VPS13C: variants seen among roughly 807,000 people sequenced by gnomAD.
VPS13C encodes the protein intermembrane lipid transfer protein VPS13C.
VPS13C carries 358 observed loss-of-function variants against 456.8 expected under a neutral mutation model. The ratio of observed to expected loss-of-function variants is 0.78; its 90% CI spans 0.72 to 0.86. The LOEUF (loss-of-function observed/expected upper bound fraction) is 0.86, where lower values mean the gene tolerates loss of function less well. VPS13C is among the 40% of genes least tolerant of loss of function. The pLI, the probability that VPS13C is intolerant of heterozygous loss-of-function variation, is 0.00. For missense variants in VPS13C, 4,818 were observed against 4,385.4 expected (o/e 1.10, Z -2.79); for synonymous variants, 1,578 against 1,486.7 (o/e 1.06, Z -1.41).
At chr15:62,048,657 T>C (rs1379017186) in intron 1 of VPS13C, among the ~76,000 whole-genome samples, 3 of 152,088 alleles carry the variant, frequency 2.0e-5, no homozygotes, top group Non-Finnish European at 4.4e-5. Context: ...TTTCTAGTTC[T>C]AGATCCCTGA....
intron 61 of VPS13C, among the ~76,000 whole-genome samples, chr15:61,913,699 T>A (rs77730888): frequency 0.037 from 5,595 of 152,262 alleles, 148 homozygotes; most frequent in South Asian, 0.11. Flanking sequence ...GTATTGTTTT[T>A]AAAAAGAATT....
chr15:62,010,741 T>G, intron 12 of VPS13C, 142 bp from the exon 13 acceptor site: 1 of 828,088 alleles, frequency 1.2e-6, no homozygotes, highest in Non-Finnish European at 1.7e-6. Flanking sequence ...CCAAAAAATA[T>G]TTAAGCAATT....
chr15:61,865,914 G>A, intron 81 of VPS13C: 1 of 978,820 alleles, frequency 1.0e-6, no homozygotes, highest in African/African-American at 1.8e-5. Flanking sequence ...GTAGTACTTA[G>A]GAGAAAAAGG....
rs544120722 is a variant in VPS13C at position 61,947,637 on chromosome 15, T to C, written c.4760-328A>G. 1.9e-3 allele frequency among the ~76,000 whole-genome samples: 290 copies of C among 152,248 alleles called. 10 individuals are homozygous for C. The South Asian group carries it at 0.059, about 31-fold the overall frequency. On this transcript the variant is annotated intron_variant, in intron 42 of 84. Transcript: ENST00000644861. Reference sequence around the variant, plus strand: ...TCTATATTAGAACTCTAGAATTCTCTTGGTCTAAAGTTTTGATTCTGAACT... The same window carrying C: ...TCTATATTAGAACTCTAGAATTCTCCTGGTCTAAAGTTTTGATTCTGAACT...
Position 61,920,962 on chromosome 15 carries a change from G to A in VPS13C, c.7063-315C>T, listed in dbSNP as rs562977031. Reference sequence around the variant, plus strand: ...GTCACCCAACTGGTGATTATGTGTTGACGAGCAATCTAAGAGGACCCTGAA... The same window carrying A: ...GTCACCCAACTGGTGATTATGTGTTAACGAGCAATCTAAGAGGACCCTGAA... On this transcript the variant is annotated intron_variant, in intron 55 of 84. Transcript: ENST00000644861. Among the ~76,000 whole-genome samples, 3 of 152,194 alleles carry A rather than the reference G, an allele frequency of 2.0e-5. No homozygotes were observed. The East Asian group carries it at 5.8e-4, about 29-fold the overall frequency.
intron 5 of VPS13C, among the ~76,000 whole-genome samples, chr15:62,031,748 A>AT (rs1391057066): frequency 5.3e-5 from 8 of 151,984 alleles, no homozygotes; most frequent in Non-Finnish European, 1.2e-4. Context: ...CACAAAATTA[A>AT]TACTACAGAT....
chr15:61,989,922 T>C (rs1231689714), intron 18 of VPS13C, among the ~76,000 whole-genome samples: 3 of 152,188 alleles, frequency 2.0e-5, no homozygotes, highest in Admixed American at 1.3e-4. Context: ...AAACGTTATC[T>C]TACACATCCA....
intron 6 of VPS13C, among the ~76,000 whole-genome samples, chr15:62,026,375 T>C (rs1297061267): frequency 1.3e-5 from 2 of 152,052 alleles, no homozygotes; most frequent in African/African-American, 4.8e-5. Context: ...CATTATTTAA[T>C]ATCAAAAGTC....
At chr15:62,050,396 AC>A in intron 1 of VPS13C, among the ~76,000 whole-genome samples, 1 of 152,282 alleles carries the variant, frequency 6.6e-6, no homozygotes, top group Non-Finnish European at 1.5e-5. Flanking sequence ...TTCAGAAGAG[AC>A]CCCATATGAT....
intron 27 of VPS13C, among the ~76,000 whole-genome samples, chr15:61,970,421 T>C (rs1156965937): frequency 6.6e-6 from 1 of 152,156 alleles, no homozygotes; most frequent in Non-Finnish European, 1.5e-5. Flanking sequence ...ATAACCAGAA[T>C]AATATAAATA....
chr15:61,946,509 TAAAA>T (rs1170291091), intron 43 of VPS13C, 99 bp from the exon 44 acceptor site: 1 of 764,960 alleles, frequency 1.3e-6, no homozygotes, highest in African/African-American at 1.8e-5. Context: ...ATAAAGTGAA[TAAAA>T]ATTACTCATT....
intron 61 of VPS13C, 119 bp from the exon 62 acceptor site, chr15:61,913,534 T>C (rs2043366132): frequency 1.3e-6 from 1 of 778,372 alleles, no homozygotes; most frequent in Non-Finnish European, 2.0e-6. Context: ...CAGAAATATA[T>C]AATCAAAGCC....
At chr15:62,054,216 C>G (rs2048716226) in intron 1 of VPS13C, among the ~76,000 whole-genome samples, 1 of 152,116 alleles carries the variant, frequency 6.6e-6, no homozygotes, top group Admixed American at 6.5e-5. Flanking sequence ...TCTATTGGTA[C>G]CAGTTTGTGG....
At chr15:61,875,514 T>G (rs1316688839) in intron 76 of VPS13C, among the ~76,000 whole-genome samples, 2 of 152,036 alleles carry the variant, frequency 1.3e-5, no homozygotes, top group Non-Finnish European at 2.9e-5. Flanking sequence ...ACAACTACAT[T>G]AAATCCTGGC....
At chr15:62,000,015 T>C (rs909768068) in intron 16 of VPS13C, among the ~76,000 whole-genome samples, 6 of 152,122 alleles carry the variant, frequency 3.9e-5, no homozygotes, top group Admixed American at 1.3e-4. Flanking sequence ...GTCAGAATTA[T>C]AGATGTCTTT....
At chr15:61,962,049 A>G (rs1289446087) in intron 34 of VPS13C, among the ~76,000 whole-genome samples, 156 bp from the exon 35 acceptor site, 1 of 152,182 alleles carries the variant, frequency 6.6e-6, no homozygotes, top group African/African-American at 2.4e-5. Context: ...AATTACGGAT[A>G]ATCCATCTAT....
At chr15:61,998,148 C>A (rs189143628) in intron 16 of VPS13C, among the ~76,000 whole-genome samples, 94 of 152,280 alleles carry the variant, frequency 6.2e-4, no homozygotes, top group Non-Finnish European at 1.2e-3. Flanking sequence ...TAAGCAGTTA[C>A]ACTTTATTAT....
At chr15:61,974,174 T>G in intron 25 of VPS13C, 114 bp downstream of exon 25, 6 of 1,102,220 alleles carry the variant, frequency 5.4e-6, no homozygotes, top group Non-Finnish European at 7.2e-6. Context: ...GACATTTTAC[T>G]TTCATTTCTG....
chr15:61,888,950 G>C (rs1896469946), intron 67 of VPS13C, among the ~76,000 whole-genome samples: 1 of 151,966 alleles, frequency 6.6e-6, no homozygotes. Flanking sequence ...TTAGTAATAG[G>C]GGAAACAAGA....
Sources: gnomAD v4.1 joint callset for allele counts (sites outside exome capture counted in the v4.1 genomes callset) on GRCh38, gnomAD v4.1.1 for gene constraint, MANE v1.5 for transcripts, NCBI Gene and HGNC (gene_info 2026-07-23, HGNC 2026-07-21) for gene names.